PPM1A: variants seen among roughly 807,000 people sequenced by gnomAD.
PPM1A encodes protein phosphatase, Mg2+/Mn2+ dependent 1A, also known as protein phosphatase 1A.
Under a neutral mutation model 35.0 loss-of-function variants are expected in PPM1A, and 7 were observed. The ratio of observed to expected loss-of-function variants is 0.20; its 90% CI spans 0.11 to 0.38. PPM1A has a LOEUF of 0.38. Ranked by LOEUF, PPM1A falls within the 10% of genes least tolerant of loss-of-function variation. The probability of loss-of-function intolerance (pLI) is 1.00; values close to 1 mark genes in which losing one functional copy is unlikely to be tolerated. For missense variants in PPM1A, 239 were observed against 467.8 expected (o/e 0.51, Z 4.51); for synonymous variants, 153 against 167.3 (o/e 0.91, Z 0.66).
At chr14:60,284,728 T>C (rs946668251) in intron 2 of PPM1A, among the ~76,000 whole-genome samples, 17 of 142,950 alleles carry the variant, frequency 1.2e-4, no homozygotes, top group Non-Finnish European at 2.3e-4. Context: ...TATACATATA[T>C]ATATATATAA....
intron 1 of PPM1A, among the ~76,000 whole-genome samples, chr14:60,261,076 A>C (rs919361223): frequency 1.8e-4 from 27 of 152,188 alleles, no homozygotes; most frequent in Admixed American, 1.7e-3. Flanking sequence ...TCAGACTTGC[A>C]TGAGTTTACT....
chr14:60,288,295 A>T (rs901465990), intron 3 of PPM1A: 6 of 960,810 alleles, frequency 6.2e-6, no homozygotes, highest in Non-Finnish European at 6.2e-6. Flanking sequence ...GATTCAAGGT[A>T]ATGTTTTTTA....
intron 1 of PPM1A, among the ~76,000 whole-genome samples, chr14:60,253,926 C>T (rs1442075208): frequency 6.6e-6 from 1 of 152,106 alleles, no homozygotes; most frequent in Non-Finnish European, 1.5e-5. Flanking sequence ...TATTTCGTAG[C>T]CAGGTGTTCC....
upstream of PPM1A, chr14:60,245,866 A>G: frequency 6.3e-7 from 1 of 1,592,836 alleles, no homozygotes. The surrounding 1 kb of genome is among the most constrained non-coding windows in gnomAD (Gnocchi z 4.2). Context: ...TTCTGGGAGA[A>G]AATGGGTAGC....
rs150431259 is a variant in PPM1A at position 60,251,531 on chromosome 14, T to C, written c.-21+1854T>C. Among the ~76,000 whole-genome samples the C allele has an allele frequency of 3.3e-5, 5 of 152,354 alleles. No individual in the cohort carries two copies. In the East Asian group the frequency reaches 9.6e-4, roughly 29 times the overall value. On this transcript the variant is annotated intron_variant, in intron 1 of 5. Transcript: ENST00000395076. ...TGTCCATGGACAAGTCCTTTAACCT[T>C]TTGAGTTTCAGCTTCCAAATCAGTA...
intron 1 of PPM1A, among the ~76,000 whole-genome samples, chr14:60,276,826 C>G (rs1885816021): frequency 6.6e-6 from 1 of 152,124 alleles, no homozygotes; most frequent in Non-Finnish European, 1.5e-5. Context: ...GGGTTCAAGA[C>G]TCTACTATGA....
chr14:60,255,198 G>A (rs1371776707), intron 1 of PPM1A, among the ~76,000 whole-genome samples: 2 of 127,620 alleles, frequency 1.6e-5, no homozygotes, highest in African/African-American at 3.6e-5. Flanking sequence ...TTGAGACAGA[G>A]TCTCGCTCTG....
At chr14:60,280,577 G>A (rs1403919272) in intron 1 of PPM1A, among the ~76,000 whole-genome samples, 1 of 152,138 alleles carries the variant, frequency 6.6e-6, no homozygotes, top group African/African-American at 2.4e-5. Context: ...AGGTAGTGGA[G>A]TCTTTCCTCT....
chr14:60,287,027 TAAG>T (rs1318440767), intron 3 of PPM1A: 7 of 926,164 alleles, frequency 7.6e-6, no homozygotes, highest in Admixed American at 1.2e-4. Context: ...TTTAAATTCA[TAAG>T]AATAATATGT....
chr14:60,251,725 G>A (rs1882444627), intron 1 of PPM1A, among the ~76,000 whole-genome samples: 2 of 152,136 alleles, frequency 1.3e-5, no homozygotes, highest in South Asian at 4.1e-4. Context: ...TTCTTTCTCG[G>A]TTCTGTTTTA....
At chr14:60,277,586 A>G (rs991724693) in intron 1 of PPM1A, among the ~76,000 whole-genome samples, 28 of 152,300 alleles carry the variant, frequency 1.8e-4, no homozygotes, top group Admixed American at 4.6e-4. Context: ...AGTATATTCT[A>G]TCTTCAAAGA....
chr14:60,251,937 A>G (rs996861954), intron 1 of PPM1A, among the ~76,000 whole-genome samples: 1 of 152,156 alleles, frequency 6.6e-6, no homozygotes, highest in Non-Finnish European at 1.5e-5. Flanking sequence ...TGTGAAGGAC[A>G]TTATAAAAAC....
At chr14:60,254,124 G>A (rs756563440) in intron 1 of PPM1A, among the ~76,000 whole-genome samples, 14 of 152,166 alleles carry the variant, frequency 9.2e-5, no homozygotes, top group Non-Finnish European at 1.8e-4. Context: ...GAGATACTTA[G>A]GGGTATAGAG....
At chr14:60,250,295 A>G in intron 1 of PPM1A, 1 of 330,230 alleles carries the variant, frequency 3.0e-6, no homozygotes, top group Non-Finnish European at 4.3e-6. Context: ...GTAAATTCCG[A>G]TTTCTTATCC....
rs141814042 is a variant in PPM1A, at chr14:60,273,607, A to T, written c.-20-9077A>T. ...TATGGTGAAATTTGTATTTTGAAAG[A>T]TTTACTTAGGCTGCAGTTTGGAGAA... On this transcript the variant is annotated intron_variant, in intron 1 of 5. Transcript: ENST00000395076. This position sits in a 1 kb window ranked among gnomAD's most constrained non-coding sequence, Gnocchi z 4.3. Among the ~76,000 whole-genome samples, 287 of 152,262 alleles carry T rather than the reference A, an allele frequency of 1.9e-3. 1 individual carries two copies. The highest frequency in any genetic ancestry group is 6.5e-3 in the African/African-American group (270 of 41,536).
chr14:60,266,112 CAA>C (rs1016738430), intron 1 of PPM1A, among the ~76,000 whole-genome samples: 1 of 152,100 alleles, frequency 6.6e-6, no homozygotes, highest in African/African-American at 2.4e-5. Flanking sequence ...GTATAAAAAA[CAA>C]ATTTGTGTTT....
Position 60,249,800 on chromosome 14 carries a change from G to T in PPM1A, c.-21+123G>T, listed in dbSNP as rs1468010160. On this transcript the variant is annotated intron_variant, in intron 1 of 5. Coordinates refer to ENST00000395076, the MANE Select transcript of PPM1A (RefSeq NM_021003.5). This position sits in a 1 kb window ranked among gnomAD's most constrained non-coding sequence, Gnocchi z 4.5. ...GTCTGCCCGGGCGCTCCCGGGAGGA[G>T]ACGCGACAACTCCACCCCCTGGCCG... 201 of 535,180 alleles carry T rather than the reference G, an allele frequency of 3.8e-4. No homozygotes were observed. The Middle Eastern group carries it at 7.7e-3, about 20-fold the overall frequency. 33.2% of individuals were successfully genotyped at this position (535,180 alleles called of 1,614,324 possible). A position where few individuals can be genotyped will look rare whatever the true frequency, so the allele number is the denominator to read the frequency against.
In PPM1A at chr14:60,249,929, G is replaced by C. The variant is rs886548124; in HGVS notation, c.-21+252G>C. Among the ~76,000 whole-genome samples, 1 of 151,470 alleles carries C rather than the reference G, an allele frequency of 6.6e-6. No individual in the cohort carries two copies. The highest frequency in any genetic ancestry group is 1.5e-5 in the Non-Finnish European group (1 of 67,742). On this transcript the variant is annotated intron_variant, in intron 1 of 5. Coordinates refer to ENST00000395076, the MANE Select transcript of PPM1A (RefSeq NM_021003.5). This position sits in a 1 kb window ranked among gnomAD's most constrained non-coding sequence, Gnocchi z 4.5. ...GTGTTAGTTGCGGTGGCGCGGGGAG[G>C]GGGCGCGACCCTCTGGCCGTCCGCG... is the stretch of plus-strand genomic sequence containing the variant.
chr14:60,266,319 C>T (rs571909983), intron 1 of PPM1A, among the ~76,000 whole-genome samples: 3 of 151,928 alleles, frequency 2.0e-5, no homozygotes, highest in Non-Finnish European at 4.4e-5. Flanking sequence ...GCTTAAAAGA[C>T]GTTTGCTTTT....
Sources: gnomAD v4.1 joint callset for allele counts (sites outside exome capture counted in the v4.1 genomes callset) on GRCh38, gnomAD v4.1.1 for gene constraint, Gnocchi (gnomAD v3.1) non-coding constraint, MANE v1.5 for transcripts, NCBI Gene and HGNC (gene_info 2026-07-23, HGNC 2026-07-21) for gene names.